Variants in FHIT observed in about 807,000 individuals in gnomAD.
The protein encoded by FHIT is bis(5'-adenosyl)-triphosphatase.
A neutral mutation model predicts 17.9 loss-of-function variants in FHIT; 19 were observed. The ratio of observed to expected loss-of-function variants is 1.06; its 90% CI spans 0.74 to 1.56. The LOEUF (loss-of-function observed/expected upper bound fraction) is 1.56, where lower values mean the gene tolerates loss of function less well. Among genes scored for constraint, FHIT ranks in the 40% most tolerant of loss-of-function variants. The probability of loss-of-function intolerance (pLI) is 0.00; values close to 1 mark genes in which losing one functional copy is unlikely to be tolerated. For missense variants in FHIT, 248 were observed against 189.2 expected, an observed-to-expected ratio of 1.31 and a Z score of -1.82; for synonymous variants, 81 against 69.7, an observed-to-expected ratio of 1.16 and a Z score of -0.81.
At chr3:61,064,033 T>C (rs1334568538) in intron 2 of FHIT, among the ~76,000 whole-genome samples, 2 of 152,060 alleles carry the variant, frequency 1.3e-5, no homozygotes, top group Non-Finnish European at 2.9e-5. Context: ...CAGGTGGTAG[T>C]GTGTCCAGGG....
chr3:59,843,771 A>AT (rs796369148), intron 8 of FHIT, among the ~76,000 whole-genome samples: 160 of 146,244 alleles, frequency 1.1e-3, no homozygotes, highest in East Asian at 4.4e-3. Context: ...CTCCTTACAG[A>AT]TTTTTTTTTT....
chr3:61,217,209 C>T lies in FHIT; in HGVS notation c.-212-16544G>A, dbSNP rs1032604203. 3.9e-5 allele frequency among the ~76,000 whole-genome samples: 6 copies of T among 152,242 alleles called. No individual in the cohort carries two copies. The South Asian group carries it at 1.2e-3, about 32-fold the overall frequency. ...ATTATCTCTCACGGTTTCTACGGATCAAGAATCCTGGCAGGGTTCAGCAGG... is the reference window on the plus strand; with the variant it reads ...ATTATCTCTCACGGTTTCTACGGATTAAGAATCCTGGCAGGGTTCAGCAGG... On this transcript the variant is annotated intron_variant, in intron 1 of 9. Coordinates refer to ENST00000492590, the MANE Select transcript of FHIT (RefSeq NM_002012.4).
At chr3:60,101,528 C>G (rs1001594126) in intron 5 of FHIT, among the ~76,000 whole-genome samples, 2 of 152,192 alleles carry the variant, frequency 1.3e-5, no homozygotes, top group African/African-American at 4.8e-5. Flanking sequence ...ATGCTATTTT[C>G]TATTACATTA....
intron 5 of FHIT, among the ~76,000 whole-genome samples, chr3:60,209,225 A>G (rs1703338313): frequency 6.6e-6 from 1 of 152,178 alleles, no homozygotes. Flanking sequence ...ACAACAAACC[A>G]AACTACTTGG....
chr3:61,159,347 TC>T (rs1271803420), intron 2 of FHIT, among the ~76,000 whole-genome samples: 1 of 152,134 alleles, frequency 6.6e-6, no homozygotes, highest in Non-Finnish European at 1.5e-5. Context: ...TTATAAAAGT[TC>T]CCCTCCCTGC....
intron 5 of FHIT, among the ~76,000 whole-genome samples, chr3:60,513,538 A>AT (rs1458908907): frequency 6.6e-6 from 1 of 152,196 alleles, no homozygotes; most frequent in Non-Finnish European, 1.5e-5. Flanking sequence ...CAAAGATAAG[A>AT]TTCCCTTTGG....
chr3:61,249,419 C>T lies in FHIT; in HGVS notation c.-213+1882G>A, dbSNP rs116624868. Among the ~76,000 whole-genome samples, 828 of 152,260 alleles carry T rather than the reference C, an allele frequency of 5.4e-3. 8 individuals carry two copies. Among genetic ancestry groups the T allele is most frequent in the African/African-American group, 0.019 (792 of 41,540 alleles). ...AATTAAATGATCTCAAAGGTTTTTG[C>T]AGCTCAAATGTTTAGTATCTAAGTA... is the stretch of plus-strand genomic sequence containing the variant. On this transcript the variant is annotated intron_variant, in intron 1 of 9. Transcript: ENST00000492590.
chr3:60,150,940 T>C lies in FHIT; in HGVS notation c.104-136788A>G, dbSNP rs189103676. On this transcript the variant is annotated intron_variant, in intron 5 of 9. Transcript: ENST00000492590. Reference sequence around the variant, plus strand: ...CCTCAAAAAAAAAAAAAGGATTTAATTTTTAAAAATCAGCATGAACTGAAA... The same window carrying C: ...CCTCAAAAAAAAAAAAAGGATTTAACTTTTAAAAATCAGCATGAACTGAAA... Among the ~76,000 whole-genome samples the C allele has an allele frequency of 1.8e-4, 28 of 152,114 alleles. No individual in the cohort carries two copies. The East Asian group carries it at 5.4e-3, about 29-fold the overall frequency.
chr3:61,129,037 G>A lies in FHIT; in HGVS notation c.-164+71580C>T, dbSNP rs147816558. On this transcript the variant is annotated intron_variant, in intron 2 of 9. Transcript: ENST00000492590. ...GGCATTACTGAATTGTATATGTCAC[G>A]CCATACAAGCTGATGTGCAGCTCCC... Among the ~76,000 whole-genome samples, 420 of 152,254 alleles carry A rather than the reference G, an allele frequency of 2.8e-3. 2 individuals carry two copies. The highest frequency in any genetic ancestry group is 4.4e-3 in the Non-Finnish European group (302 of 68,012).
intron 5 of FHIT, among the ~76,000 whole-genome samples, chr3:60,178,782 G>A (rs1218268050): frequency 1.3e-5 from 2 of 152,080 alleles, no homozygotes; most frequent in African/African-American, 2.4e-5. Context: ...AAATAAGGTA[G>A]GGAAATTCTG....
At chr3:60,877,717 G>C (rs575719519) in intron 3 of FHIT, among the ~76,000 whole-genome samples, 2 of 152,042 alleles carry the variant, frequency 1.3e-5, no homozygotes, top group Non-Finnish European at 1.5e-5. Flanking sequence ...CAAGGAAACA[G>C]AGTAGAACAT....
At chr3:60,445,096 T>A (rs1243518253) in intron 5 of FHIT, among the ~76,000 whole-genome samples, 2 of 152,062 alleles carry the variant, frequency 1.3e-5, no homozygotes, top group Non-Finnish European at 2.9e-5. Flanking sequence ...TGGATTACCA[T>A]AAGTACTCTA....
intron 5 of FHIT, among the ~76,000 whole-genome samples, chr3:60,378,300 C>T (rs969025505): frequency 1.3e-5 from 2 of 152,110 alleles, no homozygotes; most frequent in Non-Finnish European, 2.9e-5. Flanking sequence ...TTCTTAAAAA[C>T]GCCCATAGTT....
chr3:60,275,919 G>A (rs1482576919), intron 5 of FHIT, among the ~76,000 whole-genome samples: 1 of 151,950 alleles, frequency 6.6e-6, no homozygotes, highest in Non-Finnish European at 1.5e-5. Flanking sequence ...AGAACATCCA[G>A]CAATTATTGC....
intron 4 of FHIT, among the ~76,000 whole-genome samples, chr3:60,745,970 A>G (rs988195582): frequency 3.3e-5 from 5 of 152,212 alleles, no homozygotes; most frequent in African/African-American, 1.2e-4. Flanking sequence ...ATAGGCAGGG[A>G]AGAAAATGCT....
intron 5 of FHIT, among the ~76,000 whole-genome samples, chr3:60,108,041 T>C (rs898328922): frequency 6.6e-6 from 1 of 152,200 alleles, no homozygotes; most frequent in Non-Finnish European, 1.5e-5. Context: ...CAAGGTTTCA[T>C]CTTCACATAT....
At chr3:60,971,527 T>A (rs990919795) in intron 3 of FHIT, among the ~76,000 whole-genome samples, 1 of 152,000 alleles carries the variant, frequency 6.6e-6, no homozygotes, top group Non-Finnish European at 1.5e-5. Context: ...TCAATCTTTT[T>A]TTTTTTGCCC....
chr3:59,969,725 A>G (rs1428059508), intron 7 of FHIT, among the ~76,000 whole-genome samples: 1 of 152,038 alleles, frequency 6.6e-6, no homozygotes, highest in Non-Finnish European at 1.5e-5. Context: ...CATGGTGCCT[A>G]TAAGGTGACT....
intron 2 of FHIT, among the ~76,000 whole-genome samples, chr3:61,091,172 T>C (rs895839684): frequency 3.0e-4 from 46 of 152,110 alleles, no homozygotes; most frequent in African/African-American, 1.1e-3. Context: ...AAGGAACACA[T>C]GGAAGAGAAA....
Sources: allele counts gnomAD v4.1 joint callset (sites outside exome capture counted in the v4.1 genomes callset), GRCh38; gene constraint gnomAD v4.1.1; transcripts MANE v1.5; gene names NCBI Gene and HGNC (gene_info 2026-07-23, HGNC 2026-07-21).